UBASH3B: variants seen among roughly 807,000 people sequenced by gnomAD.
UBASH3B encodes the protein ubiquitin-associated and SH3 domain-containing protein B.
UBASH3B carries 37 observed loss-of-function variants against 83.4 expected under a neutral mutation model. That is an observed-to-expected ratio of 0.44 (90% CI 0.34 to 0.58). The LOEUF is 0.58. Among genes scored for constraint, UBASH3B ranks in the 20% least tolerant of loss-of-function variants. The pLI is 0.01. For missense variants in UBASH3B, 657 were observed against 827.2 expected (o/e 0.79, Z 2.52); for synonymous variants, 304 against 318.3 (o/e 0.96, Z 0.48).
At chr11:122,727,576 G>C (rs959333410) in intron 1 of UBASH3B, 1 of 152,170 alleles carries the variant, frequency 6.6e-6, no homozygotes, top group African/African-American at 2.4e-5. Context: ...GGAGGCCTCC[G>C]AGATGGGCAC....
chr11:122,749,232 T>G (rs1861165374), intron 1 of UBASH3B, among the ~76,000 whole-genome samples: 1 of 152,252 alleles, frequency 6.6e-6, no homozygotes, highest in Non-Finnish European at 1.5e-5. Flanking sequence ...GTGTCTAATT[T>G]GTGGGGCTGG....
chr11:122,679,267 C>T (rs375040074), intron 1 of UBASH3B, among the ~76,000 whole-genome samples: 2 of 152,176 alleles, frequency 1.3e-5, no homozygotes, highest in East Asian at 1.9e-4. Context: ...TCCTGGTGCA[C>T]CAACGCAGTG....
chr11:122,795,445 C>A (rs1861138704), intron 7 of UBASH3B, among the ~76,000 whole-genome samples: 1 of 152,138 alleles, frequency 6.6e-6, no homozygotes, highest in South Asian at 2.1e-4. Context: ...AAGTGCTGGC[C>A]CGCGCTAAGG....
chr11:122,671,388 A>C (rs568788837), intron 1 of UBASH3B, among the ~76,000 whole-genome samples: 1 of 152,200 alleles, frequency 6.6e-6, no homozygotes, highest in Non-Finnish European at 1.5e-5. Flanking sequence ...ATTAGCCAGC[A>C]TGGTGGTGTG....
At chr11:122,753,430 A>G (rs1861231023) in intron 1 of UBASH3B, among the ~76,000 whole-genome samples, 1 of 151,380 alleles carries the variant, frequency 6.6e-6, no homozygotes, top group South Asian at 2.1e-4. Context: ...CAGCCTGGGC[A>G]ATGGAGTGAG....
intron 1 of UBASH3B, among the ~76,000 whole-genome samples, chr11:122,757,374 C>A (rs964385364): frequency 5.9e-5 from 9 of 152,304 alleles, no homozygotes; most frequent in Admixed American, 2.0e-4. Context: ...GGGCCCCTCC[C>A]CAGAGCTCAG....
chr11:122,809,934 T>C lies in UBASH3B; in HGVS notation c.*48T>C, dbSNP rs376148822. The C allele has an allele frequency of 6.3e-7, 1 of 1,597,360 alleles. No individual in the cohort carries two copies. The highest frequency in any genetic ancestry group is 1.4e-5 in the African/African-American group (1 of 73,980). On this transcript the variant is annotated 3_prime_UTR_variant, in exon 14 of 14. Transcript: ENST00000284273. Reference sequence around the variant, plus strand: ...AAAGGCCTTTTGGAGTGTGTCTTTCTGTGTGTTTAAAAACAGTGGGAAAAT... The same window carrying C: ...AAAGGCCTTTTGGAGTGTGTCTTTCCGTGTGTTTAAAAACAGTGGGAAAAT...
rs557125735 is a variant in UBASH3B, at chr11:122,772,693, C to A, written c.162-3526C>A. On this transcript the variant is annotated intron_variant, in intron 1 of 13. Transcript: ENST00000284273. Reference sequence around the variant, plus strand: ...TGAGGGCAGAAAGTAGGAAGAATCCCGCCGGAGCACTGCAAGGCCATTGGC... The same window carrying A: ...TGAGGGCAGAAAGTAGGAAGAATCCAGCCGGAGCACTGCAAGGCCATTGGC... 2.0e-5 allele frequency among the ~76,000 whole-genome samples: 3 copies of A among 152,268 alleles called. No individual in the cohort carries two copies. The East Asian group carries it at 5.8e-4, about 29-fold the overall frequency.
intron 6 of UBASH3B, among the ~76,000 whole-genome samples, chr11:122,793,438 G>C (rs1296749266): frequency 1.3e-5 from 2 of 152,162 alleles, no homozygotes; most frequent in African/African-American, 4.8e-5. Flanking sequence ...ATCCAGAACA[G>C]GTGGTAGCCT....
rs193064791 is a variant in UBASH3B, at chr11:122,743,101, C to T, written c.162-33118C>T. ...TGTTGCCATCAGTTTTTGCTGTGGCCGTTCTGAGGTACCTGAAGAGCCAGA... is the reference window on the plus strand; with the variant it reads ...TGTTGCCATCAGTTTTTGCTGTGGCTGTTCTGAGGTACCTGAAGAGCCAGA... On this transcript the variant is annotated intron_variant, in intron 1 of 13. Transcript: ENST00000284273. Among the ~76,000 whole-genome samples the T allele has an allele frequency of 2.5e-3, 374 of 152,226 alleles. 2 individuals carry two copies. Among genetic ancestry groups the T allele is most frequent in the African/African-American group, 8.3e-3 (345 of 41,554 alleles).
chr11:122,679,388 C>T (rs1189131128), intron 1 of UBASH3B, among the ~76,000 whole-genome samples: 3 of 152,196 alleles, frequency 2.0e-5, no homozygotes, highest in East Asian at 1.9e-4. Context: ...AGCAAGTTCA[C>T]GATGTAACCA....
intron 1 of UBASH3B, among the ~76,000 whole-genome samples, chr11:122,749,199 C>T (rs1033884979): frequency 1.4e-4 from 21 of 152,234 alleles, no homozygotes; most frequent in African/African-American, 5.1e-4. Context: ...ACAGCTGAAT[C>T]ATGTACTGCA....
Position 122,798,930 on chromosome 11 carries a change from T to C in UBASH3B, c.1358-12T>C. 1 of 1,612,940 alleles carries C rather than the reference T, an allele frequency of 6.2e-7. No homozygotes were observed. The highest frequency in any genetic ancestry group is 2.2e-5 in the East Asian group (1 of 44,840). On this transcript the variant is annotated splice_polypyrimidine_tract_variant and intron_variant, in intron 9 of 13. Coordinates refer to ENST00000284273, the MANE Select transcript of UBASH3B (RefSeq NM_032873.5). Reference sequence around the variant, plus strand: ...ATCCATCAGACTGATTTTTTTGTGGTTTTCTTTGCAGGTGAAGCCTTATTA... The same window carrying C: ...ATCCATCAGACTGATTTTTTTGTGGCTTTCTTTGCAGGTGAAGCCTTATTA...
Position 122,789,187 on chromosome 11 carries a change from G to C in UBASH3B, c.859G>C (p.Glu287Gln). Residue 287 changes from glutamate to glutamine, a missense_variant, in exon 6 of 14, where the codon GAG (glutamate) becomes CAG (glutamine). Transcript: ENST00000284273. ...PGDFIFMSPM[E>Q]QTSTSEGWIY... ...GGACTTCATCTTCATGTCTCCAATG[G>C]AGCAGACCAGCACCAGCGAGGGTTG... is the stretch of plus-strand genomic sequence containing the variant. The C allele has an allele frequency of 6.2e-7, 1 of 1,614,120 alleles. No individual in the cohort carries two copies. Among genetic ancestry groups the C allele is most frequent in the Non-Finnish European group, 8.5e-7 (1 of 1,180,036 alleles).
At chr11:122,792,657 T>C (rs912771529) in intron 6 of UBASH3B, among the ~76,000 whole-genome samples, 7 of 151,986 alleles carry the variant, frequency 4.6e-5, no homozygotes, top group Non-Finnish European at 1.0e-4. Flanking sequence ...TTTGGGAGGG[T>C]CTTAGTTTAA....
At chr11:122,744,898 T>TGTGTGTGTGTGCGC (rs1293701124) in intron 1 of UBASH3B, among the ~76,000 whole-genome samples, 1 of 107,798 alleles carries the variant, frequency 9.3e-6, no homozygotes, top group African/African-American at 2.9e-5. Context: ...TGTGTGTGTG[T>TGTGTGTGTGTGCGC]GCGCGCGCGC....
chr11:122,787,277 T>A (rs1860972117), intron 5 of UBASH3B, among the ~76,000 whole-genome samples: 2 of 152,130 alleles, frequency 1.3e-5, no homozygotes, highest in Non-Finnish European at 2.9e-5. Flanking sequence ...GATTTAACAA[T>A]CCCACAGAAA....
At chr11:122,800,174 A>T (rs1861226803) in intron 10 of UBASH3B, among the ~76,000 whole-genome samples, 1 of 152,210 alleles carries the variant, frequency 6.6e-6, no homozygotes, top group African/African-American at 2.4e-5. Flanking sequence ...ATGATATTCA[A>T]ATACGATGTT....
chr11:122,715,070 C>G (rs1003652772), intron 1 of UBASH3B, among the ~76,000 whole-genome samples: 3 of 152,144 alleles, frequency 2.0e-5, no homozygotes. Flanking sequence ...CTCAGCCTCC[C>G]GCGTAGCTGG....
Sources: gnomAD v4.1 joint callset for allele counts (sites outside exome capture counted in the v4.1 genomes callset) on GRCh38, gnomAD v4.1.1 for gene constraint, MANE v1.5 for transcripts, NCBI Gene and HGNC (gene_info 2026-07-23, HGNC 2026-07-21) for gene names.